Variants in LARGE1 observed in about 807,000 individuals in gnomAD.
LARGE1 encodes LARGE xylosyl- and glucuronyltransferase 1.
LARGE1 carries 43 observed loss-of-function variants against 87.6 expected under a neutral mutation model. That is an observed-to-expected ratio of 0.49 (90% confidence interval 0.38 to 0.63). The LOEUF is 0.63. Ranked by LOEUF, LARGE1 falls within the 30% of genes least tolerant of loss-of-function variation. The pLI, the probability that LARGE1 is intolerant of heterozygous loss-of-function variation, is 0.00. For missense variants in LARGE1, 802 were observed against 1,000.2 expected (o/e 0.80, Z 2.67); for synonymous variants, 434 against 394.6 (o/e 1.10, Z -1.18).
chr22:33,199,586 TTTTCCC>T (rs1924266417), intron 11 of LARGE1, among the ~76,000 whole-genome samples: 1 of 152,198 alleles, frequency 6.6e-6, no homozygotes, highest in African/African-American at 2.4e-5. Flanking sequence ...GGCTATCCAA[TTTTCCC>T]AGCACTATTT....
At chr22:33,891,772 A>G (rs1323760272) in intron 1 of LARGE1, among the ~76,000 whole-genome samples, 1 of 152,250 alleles carries the variant, frequency 6.6e-6, no homozygotes. Flanking sequence ...ACAGCAGCGT[A>G]GCTTTAAGTT....
chr22:33,658,069 T>C (rs2081019666), intron 2 of LARGE1, among the ~76,000 whole-genome samples: 1 of 152,162 alleles, frequency 6.6e-6, no homozygotes, highest in South Asian at 2.1e-4. Flanking sequence ...CGAACCGGAA[T>C]GTCTCCTATT....
intron 1 of LARGE1, among the ~76,000 whole-genome samples, chr22:33,876,843 T>A (rs1325198358): frequency 6.7e-6 from 1 of 148,882 alleles, no homozygotes; most frequent in African/African-American, 2.5e-5. Context: ...AAATAAAATA[T>A]AAAATAAAAA....
At chr22:33,080,095 A>C in the LARGE1 span, among the ~76,000 whole-genome samples, 2 of 152,316 alleles carry the variant, frequency 1.3e-5, 1 homozygote, top group East Asian at 3.9e-4. Context: ...TTAAGAATTA[A>C]AAAGTGCAGT....
intron 1 of LARGE1, among the ~76,000 whole-genome samples, chr22:33,781,403 A>C (rs1717575979): frequency 6.6e-6 from 1 of 152,162 alleles, no homozygotes; most frequent in African/African-American, 2.4e-5. Context: ...CGGGAGGCTG[A>C]GGCAGGAGAA....
At chr22:33,516,440 A>G (rs2148475926) in intron 6 of LARGE1, among the ~76,000 whole-genome samples, 1 of 151,962 alleles carries the variant, frequency 6.6e-6, no homozygotes, top group Admixed American at 6.6e-5. Context: ...ACCATTTTGA[A>G]ACTCCTAACA....
intron 1 of LARGE1, among the ~76,000 whole-genome samples, chr22:33,814,643 T>C (rs1234582812): frequency 6.6e-6 from 1 of 152,060 alleles, no homozygotes; most frequent in Admixed American, 6.6e-5. Flanking sequence ...TGCCCAAGAG[T>C]CCAGCCTGCC....
At chr22:33,785,947 T>TA (rs893917277) in intron 1 of LARGE1, among the ~76,000 whole-genome samples, 1 of 152,082 alleles carries the variant, frequency 6.6e-6, no homozygotes. Flanking sequence ...GGCAGGGTGG[T>TA]AAAAAAATAA....
chr22:33,491,064 T>A (rs564578216), intron 6 of LARGE1, among the ~76,000 whole-genome samples: 14 of 152,272 alleles, frequency 9.2e-5, no homozygotes, highest in African/African-American at 3.4e-4. Flanking sequence ...GCCAGACACA[T>A]CTTTGTTTAC....
intron 5 of LARGE1, among the ~76,000 whole-genome samples, chr22:33,592,669 C>A (rs1430014194): frequency 3.3e-5 from 5 of 150,878 alleles, no homozygotes; most frequent in Non-Finnish European, 7.4e-5. Flanking sequence ...ATTTACATAT[C>A]ACTCTATGTG....
chr22:33,428,276 A>G (rs1412795117), intron 7 of LARGE1, among the ~76,000 whole-genome samples: 1 of 151,582 alleles, frequency 6.6e-6, no homozygotes, highest in African/African-American at 2.4e-5. Context: ...TAAACAAGTT[A>G]CAACATTAAT....
chr22:33,431,888 C>T (rs771898758), intron 7 of LARGE1, among the ~76,000 whole-genome samples: 15 of 152,194 alleles, frequency 9.9e-5, no homozygotes, highest in Non-Finnish European at 1.9e-4. Context: ...ATGGGTCATA[C>T]TGATAAAGAT....
chr22:33,466,510 T>C (rs773068437), intron 6 of LARGE1, among the ~76,000 whole-genome samples: 36 of 151,662 alleles, frequency 2.4e-4, no homozygotes, highest in Admixed American at 9.9e-4. Context: ...AAAGGAAGGC[T>C]GCATTAAATT....
chr22:33,826,807 T>G (rs1255074215), intron 1 of LARGE1, among the ~76,000 whole-genome samples: 2 of 152,116 alleles, frequency 1.3e-5, no homozygotes, highest in African/African-American at 4.8e-5. Flanking sequence ...CTGTTATCAT[T>G]GGCCTACAAT....
exon 12 of LARGE1, chr22:33,164,008 T>C (rs1300556236): frequency 6.6e-6 from 1 of 152,160 alleles, no homozygotes; most frequent in Non-Finnish European, 1.5e-5. Flanking sequence ...CAGCAAACAA[T>C]ATTAACATCA....
At chr22:33,578,796 C>T (rs1052321405) in intron 5 of LARGE1, among the ~76,000 whole-genome samples, 2 of 152,116 alleles carry the variant, frequency 1.3e-5, no homozygotes, top group South Asian at 2.1e-4. Flanking sequence ...ATTCTTAGAA[C>T]ATAGCAAAAT....
chr22:33,087,629 T>A, the LARGE1 span, among the ~76,000 whole-genome samples: 1 of 152,174 alleles, frequency 6.6e-6, no homozygotes, highest in Admixed American at 6.5e-5. Context: ...AAAATTTAAA[T>A]CTAAATTAAT....
At chr22:33,127,117 A>G in the LARGE1 span, among the ~76,000 whole-genome samples, 1 of 152,114 alleles carries the variant, frequency 6.6e-6, no homozygotes, top group Non-Finnish European at 1.5e-5. Flanking sequence ...GTTCCATTTG[A>G]GAGAACAGAT....
upstream of LARGE1, among the ~76,000 whole-genome samples, chr22:33,921,292 G>A (rs2065944447): frequency 6.6e-6 from 1 of 152,188 alleles, no homozygotes; most frequent in African/African-American, 2.4e-5. This position sits in a 1 kb window ranked among gnomAD's most constrained non-coding sequence, Gnocchi z 4.1. Flanking sequence ...ATGAAAGGGT[G>A]CAAGCTGGGA....
Sources: gnomAD v4.1 joint callset for allele counts (sites outside exome capture counted in the v4.1 genomes callset) on GRCh38, gnomAD v4.1.1 for gene constraint, Gnocchi (gnomAD v3.1) non-coding constraint, MANE v1.5 for transcripts, NCBI Gene and HGNC (gene_info 2026-07-23, HGNC 2026-07-21) for gene names.